AGBL4: variants seen among roughly 807,000 people sequenced by gnomAD.
AGBL4 encodes AGBL carboxypeptidase 4.
AGBL4 carries 58 observed loss-of-function variants against 66.4 expected under a neutral mutation model. The ratio of observed to expected loss-of-function variants is 0.87; its 90% confidence interval spans 0.71 to 1.09. The LOEUF (loss-of-function observed/expected upper bound fraction) is 1.09, where lower values mean the gene tolerates loss of function less well. AGBL4 is among the 50% of genes least tolerant of loss of function. The pLI is 0.00. For missense variants in AGBL4, 579 were observed against 631.0 expected (o/e 0.92, Z 0.88); for synonymous variants, 234 against 222.9 (o/e 1.05, Z -0.44).
chr1:48,607,320 G>A (rs1645168318), intron 9 of AGBL4, among the ~76,000 whole-genome samples: 1 of 152,092 alleles, frequency 6.6e-6, no homozygotes. Context: ...CACCATCATA[G>A]AAAGTCTATT....
chr1:49,786,100 C>A (rs1644448387), intron 2 of AGBL4, among the ~76,000 whole-genome samples: 1 of 151,808 alleles, frequency 6.6e-6, no homozygotes, highest in South Asian at 2.1e-4. Flanking sequence ...TTCTGGATTA[C>A]AAGAATAGCA....
chr1:48,853,259 C>A (rs760963572), intron 6 of AGBL4, among the ~76,000 whole-genome samples: 19 of 152,200 alleles, frequency 1.2e-4, no homozygotes, highest in Non-Finnish European at 2.4e-4. Flanking sequence ...CAGCCCCACT[C>A]AACCCTTCAA....
chr1:48,604,483 G>C (rs1478750922), intron 9 of AGBL4, among the ~76,000 whole-genome samples: 1 of 152,010 alleles, frequency 6.6e-6, no homozygotes, highest in Non-Finnish European at 1.5e-5. Flanking sequence ...ATGTAATCAT[G>C]TGTTTTCCGT....
At chr1:49,010,751 A>G (rs1571224354) in intron 5 of AGBL4, among the ~76,000 whole-genome samples, 2 of 151,604 alleles carry the variant, frequency 1.3e-5, no homozygotes, top group Admixed American at 1.3e-4. Context: ...CTGATCTTTG[A>G]CAAACCTGAG....
intron 5 of AGBL4, among the ~76,000 whole-genome samples, chr1:48,915,650 G>GT (rs1165940807): frequency 6.6e-6 from 1 of 152,132 alleles, no homozygotes; most frequent in Non-Finnish European, 1.5e-5. Flanking sequence ...TGTTAGAAAC[G>GT]TAAGTTCTTA....
chr1:49,264,492 G>T (rs1653534464), intron 3 of AGBL4, among the ~76,000 whole-genome samples: 2 of 151,340 alleles, frequency 1.3e-5, no homozygotes, highest in Admixed American at 1.3e-4. Flanking sequence ...GTTTATCTCT[G>T]GACTTCAATT....
intron 6 of AGBL4, among the ~76,000 whole-genome samples, chr1:48,707,013 G>C (rs1646891372): frequency 6.6e-6 from 1 of 152,230 alleles, no homozygotes; most frequent in African/African-American, 2.4e-5. Flanking sequence ...AGTTAACTTG[G>C]CTGGGAGTGG....
At chr1:49,541,841 A>G (rs558400962) in intron 3 of AGBL4, among the ~76,000 whole-genome samples, 55 of 152,264 alleles carry the variant, frequency 3.6e-4, no homozygotes, top group Admixed American at 2.3e-3. Flanking sequence ...AAATACACCA[A>G]TCAGCACTCT....
intron 3 of AGBL4, among the ~76,000 whole-genome samples, chr1:49,643,251 T>C (rs556534610): frequency 5.3e-5 from 8 of 151,696 alleles, no homozygotes; most frequent in African/African-American, 1.9e-4. Flanking sequence ...ATTGGAAAGA[T>C]TAGCGATCTT....
intron 2 of AGBL4, among the ~76,000 whole-genome samples, chr1:49,717,347 C>A (rs1648230384): frequency 6.6e-6 from 1 of 152,062 alleles, no homozygotes; most frequent in Admixed American, 6.6e-5. Context: ...AGTAGCCATT[C>A]TGGCTTTTGT....
At chr1:49,358,856 T>C (rs1189983027) in intron 3 of AGBL4, among the ~76,000 whole-genome samples, 1 of 152,210 alleles carries the variant, frequency 6.6e-6, no homozygotes, top group Non-Finnish European at 1.5e-5. Context: ...AAGATATTCA[T>C]TGATCTATTG....
intron 2 of AGBL4, among the ~76,000 whole-genome samples, chr1:49,734,747 T>C (rs1649728119): frequency 1.3e-5 from 2 of 152,140 alleles, no homozygotes; most frequent in Admixed American, 6.5e-5. Context: ...AGGGTTTTTA[T>C]AGGAATTGAC....
intron 5 of AGBL4, among the ~76,000 whole-genome samples, chr1:48,943,584 T>C (rs1571061425): frequency 2.0e-5 from 3 of 152,242 alleles, no homozygotes; most frequent in African/African-American, 7.2e-5. Context: ...TTCCAGGCAT[T>C]GTGCCATGTA....
intron 5 of AGBL4, among the ~76,000 whole-genome samples, chr1:48,875,596 G>A (rs959669899): frequency 6.6e-6 from 1 of 152,130 alleles, no homozygotes; most frequent in Non-Finnish European, 1.5e-5. Context: ...ATTCAGGCAT[G>A]CAAGTGTCTT....
chr1:49,104,678 C>T (rs1412944673), intron 4 of AGBL4, among the ~76,000 whole-genome samples: 1 of 152,100 alleles, frequency 6.6e-6, no homozygotes, highest in Non-Finnish European at 1.5e-5. Flanking sequence ...CTCTCATGCA[C>T]TCAGCCCAAA....
intron 3 of AGBL4, among the ~76,000 whole-genome samples, chr1:49,339,404 G>A (rs1222979908): frequency 6.6e-6 from 1 of 152,218 alleles, no homozygotes; most frequent in Non-Finnish European, 1.5e-5. Flanking sequence ...ATGGTGGACA[G>A]TGGGGAAAAG....
intron 5 of AGBL4, among the ~76,000 whole-genome samples, chr1:48,890,172 C>T (rs573764004): frequency 8.0e-4 from 122 of 152,106 alleles, no homozygotes; most frequent in Admixed American, 1.6e-3. Context: ...CCTCCTTTCA[C>T]CCTGTCTCTC....
intron 1 of AGBL4, among the ~76,000 whole-genome samples, chr1:50,002,512 G>A (rs971087745): frequency 3.3e-5 from 5 of 151,322 alleles, no homozygotes; most frequent in Non-Finnish European, 7.4e-5. Context: ...TGGGACTACA[G>A]GCGCCCGCCA....
chr1:48,559,612 T>C lies in AGBL4; in HGVS notation c.1268-19874A>G, dbSNP rs147603745. Among the ~76,000 whole-genome samples, 1,075 of 152,320 alleles carry C rather than the reference T, an allele frequency of 7.1e-3. 13 individuals are homozygous for C. The highest frequency in any genetic ancestry group is 0.024 in the African/African-American group (1,007 of 41,574). Reference sequence around the variant, plus strand: ...ATGTAAAGCACTTTTTACTGGTATGTAGCAGGAACTCTATACCTTCTAGTT... The same window carrying C: ...ATGTAAAGCACTTTTTACTGGTATGCAGCAGGAACTCTATACCTTCTAGTT... On this transcript the variant is annotated intron_variant, in intron 11 of 13. Transcript: ENST00000371839.
Sources: gnomAD v4.1 joint callset for allele counts (sites outside exome capture counted in the v4.1 genomes callset) on GRCh38, gnomAD v4.1.1 for gene constraint, MANE v1.5 for transcripts, NCBI Gene and HGNC (gene_info 2026-07-23, HGNC 2026-07-21) for gene names.